The following SMIM14 variants were observed in gnomAD, a reference collection of about 807,000 sequenced individuals.
SMIM14 encodes small integral membrane protein 14.
A neutral mutation model predicts 12.6 loss-of-function variants in SMIM14; 5 were observed. That is an observed-to-expected ratio of 0.40 (90% CI 0.21 to 0.83). SMIM14 has a LOEUF of 0.83. Ranked by LOEUF, SMIM14 falls within the 40% of genes least tolerant of loss-of-function variation. The pLI is 0.37. For synonymous variants in SMIM14, 30 were observed against 40.1 expected (o/e 0.75, Z 0.95); for missense variants, 86 against 119.1 (o/e 0.72, Z 1.29).
intron 1 of SMIM14, among the ~76,000 whole-genome samples, chr4:39,634,068 A>G (rs1716005101): frequency 6.6e-6 from 1 of 152,204 alleles, no homozygotes; most frequent in Non-Finnish European, 1.5e-5. Flanking sequence ...AGCTGGGATT[A>G]CAGGCGCGCA....
intron 1 of SMIM14, among the ~76,000 whole-genome samples, chr4:39,630,100 T>G (rs1184218296): frequency 6.6e-6 from 1 of 152,224 alleles, no homozygotes; most frequent in Non-Finnish European, 1.5e-5. Flanking sequence ...ATGATTTCTC[T>G]GAGCAGAAAG....
chr4:39,549,076 TC>T lies in SMIM14; in HGVS notation c.*3049del, dbSNP rs1474496672. ...TGGGCGTGGTGGTGGGCACTTATAATCCCAGCTACTCAGGAGGCTGAGGAAG... is the reference window on the plus strand; with the variant it reads ...TGGGCGTGGTGGTGGGCACTTATAATCCAGCTACTCAGGAGGCTGAGGAAG... On this transcript the variant is annotated 3_prime_UTR_variant, in exon 5 of 5. Transcript: ENST00000295958. The T allele has an allele frequency of 6.6e-6, 1 of 151,982 alleles. No homozygotes were observed. The highest frequency in any genetic ancestry group is 1.5e-5 in the Non-Finnish European group (1 of 68,034). The allele number at this position is 151,982 out of a possible 1,614,324, so 9.4% of individuals were successfully genotyped here. A position where few individuals can be genotyped will look rare whatever the true frequency, so the allele number is the denominator to read the frequency against.
intron 2 of SMIM14, among the ~76,000 whole-genome samples, chr4:39,576,694 T>TACA: frequency 5.3e-5 from 1 of 18,876 alleles, no homozygotes; most frequent in South Asian, 3.0e-3. Context: ...ATTTTTTTTT[T>TACA]TTTTTTTTTT....
chr4:39,562,353 G>T (rs1205361636), intron 3 of SMIM14, among the ~76,000 whole-genome samples: 6 of 152,002 alleles, frequency 3.9e-5, no homozygotes. Context: ...CTCCAGCCAG[G>T]GTGGCAGAGA....
intron 2 of SMIM14, 93 bp downstream of exon 2, chr4:39,604,978 A>C (rs930419689): frequency 2.6e-6 from 2 of 774,220 alleles, no homozygotes; most frequent in Admixed American, 5.0e-5. Context: ...AGTGACCATC[A>C]GATGAAAACC....
chr4:39,570,210 G>C (rs1029102045), intron 3 of SMIM14, among the ~76,000 whole-genome samples: 2 of 151,944 alleles, frequency 1.3e-5, no homozygotes, highest in African/African-American at 2.4e-5. Flanking sequence ...ACCCAGGCTG[G>C]AGTGCAGTGG....
chr4:39,577,323 T>C (rs1301208385), intron 2 of SMIM14, among the ~76,000 whole-genome samples: 1 of 152,128 alleles, frequency 6.6e-6, no homozygotes, highest in African/African-American at 2.4e-5. Context: ...TTCATAAGTG[T>C]TTCTCCTAGG....
intron 3 of SMIM14, among the ~76,000 whole-genome samples, chr4:39,566,038 G>C (rs1363150785): frequency 6.6e-6 from 1 of 151,542 alleles, no homozygotes; most frequent in African/African-American, 2.4e-5. Flanking sequence ...AAATTGCCCT[G>C]TCTTGGGTAT....
Position 39,552,118 on chromosome 4 carries a change from T to C in SMIM14, c.*8A>G. The C allele has an allele frequency of 6.3e-7, 1 of 1,593,376 alleles. No individual in the cohort carries two copies. The highest frequency in any genetic ancestry group is 8.6e-7 in the Non-Finnish European group (1 of 1,169,578). On this transcript the variant is annotated 3_prime_UTR_variant, in exon 5 of 5. Transcript: ENST00000295958. ...GTGTTAACTATTTTCACTTCCCATA[T>C]CACAAAGTTAGTCCACAGGAGGAGC...
At chr4:39,593,958 A>G (rs1578341603) in intron 2 of SMIM14, 1 of 152,158 alleles carries the variant, frequency 6.6e-6, no homozygotes, top group East Asian at 1.9e-4. Context: ...AATCAATATC[A>G]TGAAAATGGC....
intron 1 of SMIM14, among the ~76,000 whole-genome samples, chr4:39,616,863 C>A (rs911216575): frequency 1.3e-5 from 2 of 152,048 alleles, no homozygotes; most frequent in African/African-American, 4.8e-5. Context: ...CTAAGATATT[C>A]ATTTCCCTCC....
Position 39,546,652 on chromosome 4 carries a change from A to ACTT in SMIM14, c.*5471_*5473dup, listed in dbSNP as rs1378679698. On this transcript the variant is annotated 3_prime_UTR_variant, in exon 5 of 5. Coordinates refer to ENST00000295958, the MANE Select transcript of SMIM14 (RefSeq NM_174921.3). ...ATTGCAGCAGAGTCATTTAATGAAA[A>ACTT]CTTAACAGTTTCACTGAGGATTCAG... 3 of 152,244 alleles carry ACTT rather than the reference A, an allele frequency of 2.0e-5. No individual in the cohort carries two copies. Among genetic ancestry groups the ACTT allele is most frequent in the African/African-American group, 7.2e-5 (3 of 41,472 alleles). The allele number at this position is 152,244 out of a possible 1,614,324, so 9.4% of individuals were successfully genotyped here.
intron 1 of SMIM14, among the ~76,000 whole-genome samples, chr4:39,632,373 A>C (rs1161493602): frequency 6.6e-6 from 1 of 150,796 alleles, no homozygotes; most frequent in African/African-American, 2.4e-5. Context: ...TCAGCTACTC[A>C]GGAGGCTGAG....
chr4:39,557,745 G>T (rs146580157), intron 3 of SMIM14, among the ~76,000 whole-genome samples: 1 of 152,118 alleles, frequency 6.6e-6, no homozygotes, highest in African/African-American at 2.4e-5. Context: ...GAATCCATAT[G>T]AATCCAAGTT....
intron 1 of SMIM14, among the ~76,000 whole-genome samples, chr4:39,631,772 T>C (rs1003416412): frequency 2.0e-5 from 3 of 152,230 alleles, no homozygotes; most frequent in Admixed American, 2.0e-4. Flanking sequence ...CTAATTCAAT[T>C]TGAAATACTT....
chr4:39,631,387 A>G (rs994331526), intron 1 of SMIM14, among the ~76,000 whole-genome samples: 5 of 151,434 alleles, frequency 3.3e-5, no homozygotes, highest in Admixed American at 6.6e-5. Context: ...GGCCGGGTGC[A>G]GTGGCTCATG....
chr4:39,613,527 C>T (rs1715107468), intron 1 of SMIM14, among the ~76,000 whole-genome samples: 1 of 152,144 alleles, frequency 6.6e-6, no homozygotes, highest in Non-Finnish European at 1.5e-5. Flanking sequence ...TCAACACAAA[C>T]CAGCAGCTAG....
intron 2 of SMIM14, among the ~76,000 whole-genome samples, chr4:39,598,712 CTTTT>C (rs1578345658): frequency 1.3e-5 from 2 of 152,124 alleles, no homozygotes; most frequent in Admixed American, 1.3e-4. Context: ...AAAGTTAGTA[CTTTT>C]TTTGCATTTT....
intron 2 of SMIM14, among the ~76,000 whole-genome samples, chr4:39,582,578 C>T (rs983412909): frequency 4.0e-5 from 6 of 151,354 alleles, no homozygotes; most frequent in Admixed American, 6.6e-5. Flanking sequence ...GCAGGAGAAT[C>T]GCTTGAACCC....
Sources: allele counts gnomAD v4.1 joint callset (sites outside exome capture counted in the v4.1 genomes callset), GRCh38; gene constraint gnomAD v4.1.1; transcripts MANE v1.5; gene names NCBI Gene and HGNC (gene_info 2026-07-23, HGNC 2026-07-21).